FNTA: variants seen among roughly 807,000 people sequenced by gnomAD.
The protein encoded by FNTA is protein farnesyltransferase/geranylgeranyltransferase type-1 subunit alpha.
Under a neutral mutation model 55.2 loss-of-function variants are expected in FNTA, and 27 were observed. The observed-to-expected ratio is 0.49, with a 90% CI of 0.36 to 0.67. FNTA has a LOEUF of 0.67. FNTA is among the 30% of genes least tolerant of loss of function. The pLI, the probability that FNTA is intolerant of heterozygous loss-of-function variation, is 0.00. For synonymous variants in FNTA, 176 were observed against 170.7 expected (o/e 1.03, Z -0.24); for missense variants, 422 against 464.7 (o/e 0.91, Z 0.85).
intron 3 of FNTA, among the ~76,000 whole-genome samples, chr8:43,069,049 C>G (rs1810726154): frequency 6.6e-6 from 1 of 151,950 alleles, no homozygotes; most frequent in African/African-American, 2.4e-5. Context: ...TTCATTTCTT[C>G]CAGTCACCAG....
intron 3 of FNTA, among the ~76,000 whole-genome samples, chr8:43,066,294 T>TTGCCCAGGCTGGAG (rs1810657281): frequency 1.3e-5 from 2 of 150,566 alleles, no homozygotes; most frequent in Non-Finnish European, 2.9e-5. Flanking sequence ...TCTCGCTCAG[T>TTGCCCAGGCTGGAG]TGCCCAGGCT....
Position 43,056,583 on chromosome 8 carries a change from C to T in FNTA, c.200+37C>T, listed in dbSNP as rs1379818417. On this transcript the variant is annotated intron_variant, in intron 1 of 8. Coordinates refer to ENST00000302279, the MANE Select transcript of FNTA (RefSeq NM_002027.3). ...GCGGCGGCCGCGGCTCGGGACACTC[C>T]CTGGAGGCCCAGCGGCCCCAAGACC... is the stretch of plus-strand genomic sequence containing the variant. 47 of 1,265,180 alleles carry T rather than the reference C, an allele frequency of 3.7e-5. 1 individual carries two copies. The Admixed American group carries it at 1.7e-3, about 46-fold the overall frequency. The allele number at this position is 1,265,180 out of a possible 1,614,324, so 78.4% of individuals were successfully genotyped here.
At chr8:43,064,850 T>A (rs577986054) in intron 3 of FNTA, among the ~76,000 whole-genome samples, 15 of 151,748 alleles carry the variant, frequency 9.9e-5, no homozygotes, top group African/African-American at 2.2e-4. Context: ...TTTTATTTTT[T>A]TTTTTTGAGA....
intron 1 of FNTA, among the ~76,000 whole-genome samples, chr8:43,058,117 G>A (rs1227580376): frequency 6.6e-6 from 1 of 152,076 alleles, no homozygotes; most frequent in Non-Finnish European, 1.5e-5. Context: ...ATTGAATGCC[G>A]CCTGTGTGCT....
intron 4 of FNTA, among the ~76,000 whole-genome samples, chr8:43,070,576 T>C (rs1273927073): frequency 6.6e-6 from 1 of 152,148 alleles, no homozygotes; most frequent in African/African-American, 2.4e-5. Flanking sequence ...AAAGAGAAAT[T>C]GCTTTTCTTT....
chr8:43,059,396 A>G (rs1810482471), intron 2 of FNTA, among the ~76,000 whole-genome samples: 1 of 152,190 alleles, frequency 6.6e-6, no homozygotes, highest in East Asian at 1.9e-4. Context: ...CTAAATAATA[A>G]ACGTTACAGT....
chr8:43,079,677 A>G (rs1000589280), intron 6 of FNTA: 6 of 152,250 alleles, frequency 3.9e-5, no homozygotes, highest in African/African-American at 1.4e-4. Flanking sequence ...TTGATTTTAA[A>G]GTCTCACTAT....
At chr8:43,061,700 G>A (rs534637332) in intron 2 of FNTA, among the ~76,000 whole-genome samples, 1 of 152,020 alleles carries the variant, frequency 6.6e-6, no homozygotes, top group Non-Finnish European at 1.5e-5. Flanking sequence ...GAGAATCTTC[G>A]AGCATGACAA....
At chr8:43,065,526 C>CGT (rs1810634934) in intron 3 of FNTA, among the ~76,000 whole-genome samples, 1 of 152,086 alleles carries the variant, frequency 6.6e-6, no homozygotes, top group Non-Finnish European at 1.5e-5. Flanking sequence ...GGATTATAGG[C>CGT]GTGAGCCACT....
At chr8:43,062,496 G>T (rs1810558556) in intron 2 of FNTA, among the ~76,000 whole-genome samples, 1 of 151,964 alleles carries the variant, frequency 6.6e-6, no homozygotes, top group South Asian at 2.1e-4. Context: ...TGGTCAGGCT[G>T]GTCTTGAGCT....
intron 1 of FNTA, 86 bp downstream of exon 1, chr8:43,056,632 G>A (rs1463480418): frequency 8.6e-6 from 8 of 926,826 alleles, no homozygotes; most frequent in Non-Finnish European, 1.1e-5. Context: ...TCCGGCCCCG[G>A]CGCGCCAGGC....
chr8:43,085,047 C>G (rs1586663385), intron 8 of FNTA, 113 bp from the exon 9 acceptor site: 1 of 1,143,806 alleles, frequency 8.7e-7, no homozygotes, highest in East Asian at 2.5e-5. Context: ...GCCGGTGACT[C>G]TTAATAGTGT....
chr8:43,081,392 A>G (rs961868991), intron 6 of FNTA: 5 of 152,192 alleles, frequency 3.3e-5, no homozygotes, highest in African/African-American at 9.6e-5. Context: ...AGTACTACCA[A>G]TAACAGCATT....
rs1364057124 is a variant in FNTA at position 43,084,861 on chromosome 8, A to G, written c.997A>G (p.Ile333Val). 2 of 1,613,662 alleles carry G rather than the reference A, an allele frequency of 1.2e-6. No individual in the cohort carries two copies. Among genetic ancestry groups the G allele is most frequent in the African/African-American group, 1.3e-5 (1 of 74,926 alleles). The change falls in exon 8 of 9, where the codon ATT becomes GTT. Residue 333 changes from isoleucine (I) to valine (V), a missense_variant. Physicochemically the swap from Ile to Val is conservative, Grantham distance 29. Around this residue, in one of 2 missense-constraint regions of FNTA, gnomAD observed 262 missense variants for 343.1 expected, o/e 0.76. Transcript: ENST00000302279. ...AAATCAGTGTGACAATAAGGAAGAC[A>G]TTCTTAATAAAGCATTAGAGGTAAG... is the stretch of plus-strand genomic sequence containing the variant. ...LENQCDNKED[I>V]LNKALELCEI...
rs559044740 is a variant in FNTA at position 43,056,468 on chromosome 8, C to T, written c.122C>T (p.Ala41Val). ...CAGCAGCACAAGGAAGAGATGGCGG[C>T]CGAGGCTGGGGAAGCCGTGGCGTCC... ...PQQQHKEEMA[A>V]EAGEAVASPM... is the part of the protein sequence containing the mutation. Residue 41 changes from alanine to valine, a missense_variant, in exon 1 of 9, where the codon GCC becomes GTC. Physicochemically the swap from Ala to Val is moderately conservative, Grantham distance 64. Coordinates refer to ENST00000302279, the MANE Select transcript of FNTA (RefSeq NM_002027.3). 6.4e-6 allele frequency: 10 copies of T among 1,569,658 alleles called. No homozygotes were observed. The African/African-American group carries it at 1.1e-4, about 18-fold the overall frequency.
chr8:43,082,255 G>A (rs1645963916), intron 6 of FNTA: 1 of 152,154 alleles, frequency 6.6e-6, no homozygotes, highest in Admixed American at 6.5e-5. Flanking sequence ...ATAAAGGTAT[G>A]GAGCACCCAT....
At chr8:43,083,870 C>A (rs534370737) in intron 7 of FNTA, among the ~76,000 whole-genome samples, 2 of 152,072 alleles carry the variant, frequency 1.3e-5, no homozygotes, top group Non-Finnish European at 2.9e-5. Flanking sequence ...GCTAGGAGGT[C>A]GAGACCAGCC....
chr8:43,064,026 G>A lies in FNTA; in HGVS notation c.287-75G>A, dbSNP rs1810596413. On this transcript the variant is annotated intron_variant, in intron 2 of 8. Transcript: ENST00000302279. ...ACAGGCCAATAAAATATCTTTATAG[G>A]TATAGTGACATTATACATTATAGTG... The A allele has an allele frequency of 4.5e-6, 4 of 885,790 alleles. No homozygotes were observed. In the South Asian group the frequency reaches 5.8e-5, roughly 13 times the overall value. 54.9% of individuals were successfully genotyped at this position (885,790 alleles called of 1,614,324 possible). A position where few individuals can be genotyped will look rare whatever the true frequency, so the allele number is the denominator to read the frequency against.
At chr8:43,069,989 T>G in intron 4 of FNTA, 1 of 168,072 alleles carries the variant, frequency 5.9e-6, no homozygotes, top group South Asian at 1.4e-4. Flanking sequence ...TGCAGTGGCT[T>G]CTGCTTGTAA....
Sources: allele counts gnomAD v4.1 joint callset (sites outside exome capture counted in the v4.1 genomes callset), GRCh38; gene constraint gnomAD v4.1.1; regional missense constraint gnomAD v4.1.1; transcripts MANE v1.5; gene names NCBI Gene and HGNC (gene_info 2026-07-23, HGNC 2026-07-21).